The following LMNTD1 variants were observed in gnomAD, a reference collection of about 807,000 sequenced individuals.
LMNTD1 encodes lamin tail domain-containing protein 1.
LMNTD1 carries 35 observed loss-of-function variants against 50.9 expected under a neutral mutation model. The observed-to-expected ratio is 0.69, with a 90% CI of 0.53 to 0.91. The LOEUF (loss-of-function observed/expected upper bound fraction) is 0.91, where lower values mean the gene tolerates loss of function less well. LMNTD1 is among the 40% of genes least tolerant of loss of function. LMNTD1 has a pLI of 0.00. For synonymous variants in LMNTD1, 153 were observed against 161.9 expected, an observed-to-expected ratio of 0.94 and a Z score of 0.42; for missense variants, 470 against 475.5, an observed-to-expected ratio of 0.99 and a Z score of 0.11.
intron 1 of LMNTD1, among the ~76,000 whole-genome samples, chr12:25,616,501 G>A (rs1428381445): frequency 6.6e-6 from 1 of 152,110 alleles, no homozygotes; most frequent in East Asian, 1.9e-4. Context: ...TGGAAATGAA[G>A]ACAAGATTCA....
intron 1 of LMNTD1, among the ~76,000 whole-genome samples, chr12:25,612,181 T>G (rs1305254739): frequency 6.6e-6 from 1 of 152,146 alleles, no homozygotes; most frequent in Non-Finnish European, 1.5e-5. Flanking sequence ...AAATTAAATT[T>G]TTTTAGATTA....
chr12:25,548,743 G>C (rs1407235550), intron 3 of LMNTD1, among the ~76,000 whole-genome samples: 1 of 151,910 alleles, frequency 6.6e-6, no homozygotes, highest in African/African-American at 2.4e-5. Flanking sequence ...ACACCCTAGA[G>C]CATGGGTATT....
chr12:25,534,786 CT>C (rs1942467802), intron 4 of LMNTD1, among the ~76,000 whole-genome samples: 1 of 152,182 alleles, frequency 6.6e-6, no homozygotes, highest in African/African-American at 2.4e-5. Flanking sequence ...ACTAAGGAGA[CT>C]TTTGCCTCAC....
At chr12:25,575,059 T>G (rs1329304804) in intron 1 of LMNTD1, among the ~76,000 whole-genome samples, 1 of 152,200 alleles carries the variant, frequency 6.6e-6, no homozygotes. Context: ...CAAGGCTTTT[T>G]GTCCCTGGTG....
intron 9 of LMNTD1, among the ~76,000 whole-genome samples, chr12:25,488,566 C>T (rs1298429440): frequency 4.0e-5 from 6 of 148,862 alleles, no homozygotes; most frequent in Non-Finnish European, 7.4e-5. Flanking sequence ...AACTTCTTTG[C>T]CTTTGGTTTG....
At chr12:25,567,655 C>T (rs1185858741) in intron 1 of LMNTD1, among the ~76,000 whole-genome samples, 2 of 151,960 alleles carry the variant, frequency 1.3e-5, no homozygotes, top group Non-Finnish European at 2.9e-5. Context: ...CACATGACAT[C>T]TGGTTGTTTA....
chr12:25,568,388 A>G (rs1298345777), intron 1 of LMNTD1, among the ~76,000 whole-genome samples: 1 of 152,260 alleles, frequency 6.6e-6, no homozygotes, highest in Non-Finnish European at 1.5e-5. Flanking sequence ...AGCACAGCCT[A>G]GAAGTTTGGA....
At chr12:25,610,315 C>A (rs1212253811) in intron 1 of LMNTD1, among the ~76,000 whole-genome samples, 1 of 152,108 alleles carries the variant, frequency 6.6e-6, no homozygotes, top group African/African-American at 2.4e-5. Flanking sequence ...ATATCCCGTC[C>A]TGCTTCAGCT....
intron 1 of LMNTD1, among the ~76,000 whole-genome samples, chr12:25,624,842 C>T (rs998570997): frequency 6.6e-6 from 1 of 152,230 alleles, no homozygotes; most frequent in African/African-American, 2.4e-5. Flanking sequence ...AAATAAGTTA[C>T]TGTTATCCTC....
At chr12:25,583,508 C>T (rs917064768) in intron 1 of LMNTD1, among the ~76,000 whole-genome samples, 2 of 152,150 alleles carry the variant, frequency 1.3e-5, no homozygotes, top group Non-Finnish European at 2.9e-5. Context: ...TTTATTTTTA[C>T]CCTTTTTAAT....
chr12:25,558,187 G>C (rs1156790605), upstream of LMNTD1, among the ~76,000 whole-genome samples: 4 of 152,216 alleles, frequency 2.6e-5, no homozygotes, highest in Non-Finnish European at 5.9e-5. Flanking sequence ...TCTTAGTCTG[G>C]CTAAAGGTTT....
chr12:25,486,401 T>G (rs1375258162), intron 9 of LMNTD1, among the ~76,000 whole-genome samples: 2 of 151,928 alleles, frequency 1.3e-5, no homozygotes, highest in Non-Finnish European at 2.9e-5. Context: ...AAGGAGATTT[T>G]GGGCTGAGAC....
At chr12:25,618,532 T>G (rs1946395684) in intron 1 of LMNTD1, among the ~76,000 whole-genome samples, 2 of 152,176 alleles carry the variant, frequency 1.3e-5, no homozygotes, top group African/African-American at 4.8e-5. Context: ...ATGTTAAGAC[T>G]CTACAAAGAC....
chr12:25,495,473 A>G (rs886219964), intron 9 of LMNTD1, among the ~76,000 whole-genome samples: 1 of 152,168 alleles, frequency 6.6e-6, no homozygotes, highest in African/African-American at 2.4e-5. Context: ...CAAGATATTT[A>G]TAAACAGAGT....
intron 1 of LMNTD1, among the ~76,000 whole-genome samples, chr12:25,574,987 G>A (rs1944945640): frequency 6.6e-6 from 1 of 152,144 alleles, no homozygotes; most frequent in Non-Finnish European, 1.5e-5. Flanking sequence ...GTGTTGGCAG[G>A]CTCTAAAAGA....
In LMNTD1 at chr12:25,486,899, C is replaced by A. The variant is rs1045158998; in HGVS notation, c.*23-10439G>T. Among the ~76,000 whole-genome samples the A allele has an allele frequency of 1.2e-4, 19 of 152,136 alleles. No homozygotes were observed. The East Asian group carries it at 3.7e-3, about 29-fold the overall frequency. ...AAGCTTTTTGATGTGCTGCTGGATT[C>A]ATTTTGCCAGTATTTTATTGAGGAT... is the stretch of plus-strand genomic sequence containing the variant. On this transcript the variant is annotated intron_variant, in intron 9 of 9. Coordinates refer to ENST00000458174, the MANE Select transcript of LMNTD1 (RefSeq NM_001145728.2).
At position 25,573,537 on chromosome 12, in the gene LMNTD1, A is replaced by G. The variant is rs1334219702; in HGVS notation, c.59-26983T>C. 2.0e-5 allele frequency among the ~76,000 whole-genome samples: 3 copies of G among 152,192 alleles called. No homozygotes were observed. The East Asian group carries it at 5.8e-4, about 29-fold the overall frequency. Reference sequence around the variant, plus strand: ...AGTTGGCCACATATGGTCACAACATAACATGCCAGGGAAAGATGAAAAAAC... The same window carrying G: ...AGTTGGCCACATATGGTCACAACATGACATGCCAGGGAAAGATGAAAAAAC... On this transcript the variant is annotated intron_variant, in intron 1 of 7. Transcript: ENST00000445693.
chr12:25,549,588 T>C lies in LMNTD1; in HGVS notation c.90-42A>G, dbSNP rs140231389. 9,828 of 1,164,950 alleles carry C rather than the reference T, an allele frequency of 8.4e-3. 91 individuals carry two copies. Among genetic ancestry groups the C allele is most frequent in the African/African-American group, 0.039 (2,435 of 63,052 alleles). 72.2% of individuals were successfully genotyped at this position (1,164,950 alleles called of 1,614,324 possible). A position where few individuals can be genotyped will look rare whatever the true frequency, so the allele number is the denominator to read the frequency against. On this transcript the variant is annotated intron_variant, in intron 2 of 9. Coordinates refer to ENST00000458174, the MANE Select transcript of LMNTD1 (RefSeq NM_001145728.2). ...TAATATAAATAAATAAATAAGAAAGTAAAAGTGGCTGTGAATAAAAGAAGC... is the reference window on the plus strand; with the variant it reads ...TAATATAAATAAATAAATAAGAAAGCAAAAGTGGCTGTGAATAAAAGAAGC...
chr12:25,505,666 A>G (rs1472058500), intron 8 of LMNTD1, among the ~76,000 whole-genome samples: 2 of 152,168 alleles, frequency 1.3e-5, no homozygotes, highest in Non-Finnish European at 1.5e-5. Flanking sequence ...ATTTGATAAT[A>G]GAATATGCAC....
Sources: gnomAD v4.1 joint callset for allele counts (sites outside exome capture counted in the v4.1 genomes callset) on GRCh38, gnomAD v4.1.1 for gene constraint, MANE v1.5 for transcripts, NCBI Gene and HGNC (gene_info 2026-07-23, HGNC 2026-07-21) for gene names.